Variants in ARHGAP32 observed in about 807,000 individuals in gnomAD.
ARHGAP32 encodes the protein Rho GTPase activating protein 32.
Under a neutral mutation model 186.5 loss-of-function variants are expected in ARHGAP32, and 51 were observed. That is an observed-to-expected ratio of 0.27 (90% confidence interval 0.22 to 0.35). The LOEUF is 0.35. ARHGAP32 is among the 10% of genes least tolerant of loss of function. ARHGAP32 has a pLI of 1.00. For synonymous variants in ARHGAP32, 950 were observed against 964.3 expected, an observed-to-expected ratio of 0.99 and a Z score of 0.27; for missense variants, 2,186 against 2,623.5, an observed-to-expected ratio of 0.83 and a Z score of 3.64.
At chr11:129,214,202 G>T (rs1309422930) in intron 1 of ARHGAP32, among the ~76,000 whole-genome samples, 1 of 152,000 alleles carries the variant, frequency 6.6e-6, no homozygotes, top group South Asian at 2.1e-4. Flanking sequence ...TGAAATCCTG[G>T]AATAGAAGAA....
chr11:129,279,148 AGCCCCGCG>A (rs1307403917), exon 1 of ARHGAP32: 1 of 138,530 alleles, frequency 7.2e-6, no homozygotes, highest in Non-Finnish European at 1.6e-5. Context: ...CGCCTTACCG[AGCCCCGCG>A]GCCCCGCCGC....
At chr11:129,248,967 G>A (rs142160966) in intron 1 of ARHGAP32, among the ~76,000 whole-genome samples, 255 of 152,240 alleles carry the variant, frequency 1.7e-3, no homozygotes, top group Middle Eastern at 0.014. Context: ...TCCTCTAAAC[G>A]TGGTCACTTA....
At chr11:129,244,879 C>T (rs1448716555) in intron 1 of ARHGAP32, among the ~76,000 whole-genome samples, 1 of 150,898 alleles carries the variant, frequency 6.6e-6, no homozygotes, top group East Asian at 1.9e-4. Context: ...CAGAGAAATG[C>T]AAATCAAAAC....
chr11:129,013,138 C>A (rs1420622828), intron 11 of ARHGAP32, among the ~76,000 whole-genome samples: 3 of 152,038 alleles, frequency 2.0e-5, no homozygotes, highest in Non-Finnish European at 4.4e-5. Context: ...TGACACAAGG[C>A]GCAATTAAGT....
chr11:129,270,723 G>A, intron 1 of ARHGAP32, among the ~76,000 whole-genome samples: 1 of 150,840 alleles, frequency 6.6e-6, no homozygotes, highest in East Asian at 1.9e-4. Flanking sequence ...CGTAAAAATA[G>A]TCTACTTAAA....
At chr11:129,106,021 A>C (rs554045335) in intron 5 of ARHGAP32, among the ~76,000 whole-genome samples, 1 of 152,210 alleles carries the variant, frequency 6.6e-6, no homozygotes, top group African/African-American at 2.4e-5. Context: ...AAAAGACAAC[A>C]GATGTTGGTG....
At chr11:129,114,127 C>T (rs971485093) in intron 5 of ARHGAP32, among the ~76,000 whole-genome samples, 3 of 152,118 alleles carry the variant, frequency 2.0e-5, no homozygotes, top group Admixed American at 6.6e-5. Flanking sequence ...ATCTCCATCA[C>T]ACATTGATCA....
In ARHGAP32 at chr11:128,969,838, G is replaced by A. The variant is rs138683178; in HGVS notation, c.5375C>T (p.Pro1792Leu). Residue 1792 changes from proline to leucine, a missense_variant, in exon 23 of 23, where the codon CCG becomes CTG. Coordinates refer to ENST00000682385, the MANE Select transcript of ARHGAP32 (RefSeq NM_001378024.1). This position sits in a 1 kb window ranked among gnomAD's most constrained non-coding sequence, Gnocchi z 4.8. ...PVMSQYDNMT[P>L]AVQDDLGGIY... Reference sequence around the variant, plus strand: ...CCCACCCAAGTCGTCCTGCACCGCCGGGGTCATGTTATCATATTGGGACAT... The same window carrying A: ...CCCACCCAAGTCGTCCTGCACCGCCAGGGTCATGTTATCATATTGGGACAT... 5.5e-5 allele frequency: 88 copies of A among 1,614,048 alleles called. 1 individual carries two copies. Among genetic ancestry groups the A allele is most frequent in the Middle Eastern group, 3.3e-4 (2 of 6,084 alleles).
In ARHGAP32 at chr11:129,250,457, T is replaced by C. The variant is rs116955271; in HGVS notation, c.-5+28689A>G. On this transcript the variant is annotated intron_variant, in intron 1 of 6. Transcript: ENST00000525234. ...CCCTGAATACTATTATTTCTTAATA[T>C]TGATAGCCATGATGAATAAGGACAG... is the stretch of plus-strand genomic sequence containing the variant. Among the ~76,000 whole-genome samples the C allele has an allele frequency of 3.8e-3, 573 of 152,314 alleles. 1 individual carries two copies. Among genetic ancestry groups the C allele is most frequent in the Middle Eastern group, 0.014 (4 of 294 alleles).
chr11:129,058,101 T>C (rs1940326201), intron 10 of ARHGAP32, among the ~76,000 whole-genome samples: 1 of 151,346 alleles, frequency 6.6e-6, no homozygotes, highest in African/African-American at 2.4e-5. Flanking sequence ...ACAGACCAAT[T>C]AAGGGATGAA....
intron 1 of ARHGAP32, among the ~76,000 whole-genome samples, chr11:129,215,609 T>C (rs1025192569): frequency 6.6e-6 from 1 of 152,068 alleles, no homozygotes; most frequent in Non-Finnish European, 1.5e-5. Context: ...TCATGACCCC[T>C]CCCTCACATC....
At chr11:129,223,027 A>C (rs1373674126) in intron 1 of ARHGAP32, among the ~76,000 whole-genome samples, 5 of 152,198 alleles carry the variant, frequency 3.3e-5, no homozygotes, top group Non-Finnish European at 5.9e-5. Flanking sequence ...AGGTAAACTT[A>C]ATTGTTGTAA....
At chr11:129,201,309 T>C (rs1294592303) in intron 1 of ARHGAP32, among the ~76,000 whole-genome samples, 2 of 152,228 alleles carry the variant, frequency 1.3e-5, no homozygotes, top group African/African-American at 4.8e-5. Context: ...AAGTATGTAA[T>C]GTTTATCGAT....
chr11:129,193,549 A>AATAT (rs751699323), upstream of ARHGAP32, among the ~76,000 whole-genome samples: 1 of 50,026 alleles, frequency 2.0e-5, no homozygotes. Context: ...TATTATATAT[A>AATAT]ATATATATAT....
intron 1 of ARHGAP32, among the ~76,000 whole-genome samples, chr11:129,180,327 C>T (rs899556266): frequency 6.6e-6 from 1 of 151,984 alleles, no homozygotes; most frequent in South Asian, 2.1e-4. Context: ...GTGACAAAGT[C>T]AGAATAAGTT....
chr11:129,246,981 G>C (rs1477642420), intron 1 of ARHGAP32, among the ~76,000 whole-genome samples: 1 of 112,158 alleles, frequency 8.9e-6, no homozygotes, highest in Non-Finnish European at 1.8e-5. Flanking sequence ...TCAGCTTAAA[G>C]GCAGCATTTC....
Position 129,124,837 on chromosome 11 carries a change from T to C in ARHGAP32, c.283A>G (p.Ser95Gly). Residue 95 changes from serine to glycine, a missense_variant, in exon 3 of 23, where the codon AGT (serine) becomes GGT (glycine). This residue lies in a region of ARHGAP32 where 108 missense variants were observed against 116.8 expected (regional missense o/e 0.92). Transcript: ENST00000682385. ...TGCTTAACCTTCATACTGGCTGTAC[T>C]GCCACACGTCTTAAGAGTAAGATCT... The part of the protein sequence containing the change: ...PGDLTLKTCG[S>G]TASMKVKHVK... The C allele has an allele frequency of 6.2e-7, 1 of 1,611,230 alleles. No homozygotes were observed. The highest frequency in any genetic ancestry group is 8.5e-7 in the Non-Finnish European group (1 of 1,178,632).
rs2135571332 is a variant in ARHGAP32 at position 129,198,448 on chromosome 11, G to T, written c.-4-34021C>A. Reference sequence around the variant, plus strand: ...CATGTGTGGTGGGAAGGACCTGGTAGGAGACAACTGAATCATGGGGGTGGT... The same window carrying T: ...CATGTGTGGTGGGAAGGACCTGGTATGAGACAACTGAATCATGGGGGTGGT... On this transcript the variant is annotated intron_variant, in intron 1 of 6. Coordinates refer to the ARHGAP32 transcript ENST00000525234. Among the ~76,000 whole-genome samples the T allele has an allele frequency of 2.6e-5, 4 of 152,294 alleles. 1 individual carries two copies. The South Asian group carries it at 8.3e-4, about 32-fold the overall frequency.
chr11:129,273,767 C>T (rs1945498997), intron 1 of ARHGAP32, among the ~76,000 whole-genome samples: 1 of 152,286 alleles, frequency 6.6e-6, no homozygotes, highest in African/African-American at 2.4e-5. Flanking sequence ...GCTTGCTTCA[C>T]ATCACAAGGC....
Sources: allele counts gnomAD v4.1 joint callset (sites outside exome capture counted in the v4.1 genomes callset), GRCh38; gene constraint gnomAD v4.1.1; regional missense constraint gnomAD v4.1.1; non-coding constraint Gnocchi (gnomAD v3.1); transcripts MANE v1.5; gene names NCBI Gene and HGNC (gene_info 2026-07-23, HGNC 2026-07-21).